TCF12: variants seen among roughly 807,000 people sequenced by gnomAD.
TCF12 encodes the protein DNA-binding protein HTF4.
In TCF12, 45 loss-of-function variants were observed where a neutral mutation model predicts 86.0. The observed-to-expected ratio is 0.52, with a 90% confidence interval of 0.41 to 0.67. The LOEUF (loss-of-function observed/expected upper bound fraction) is 0.67. Among genes scored for constraint, TCF12 ranks in the 30% least tolerant of loss-of-function variants. The pLI is 0.00. For synonymous variants in TCF12, 330 were observed against 299.6 expected, an observed-to-expected ratio of 1.10 and a Z score of -1.05; for missense variants, 881 against 859.9, an observed-to-expected ratio of 1.02 and a Z score of -0.31.
At chr15:56,957,929 C>T (rs1487247607) in intron 3 of TCF12, among the ~76,000 whole-genome samples, 1 of 152,148 alleles carries the variant, frequency 6.6e-6, no homozygotes, top group Non-Finnish European at 1.5e-5. Context: ...GTTAATTATT[C>T]TCCACTACTG....
intron 8 of TCF12, among the ~76,000 whole-genome samples, chr15:57,213,848 C>G (rs1242571563): frequency 6.6e-6 from 1 of 152,164 alleles, no homozygotes; most frequent in African/African-American, 2.4e-5. Flanking sequence ...GTTAGATTGC[C>G]TAACGAGTCA....
At chr15:57,082,404 G>A (rs1454360338) in intron 4 of TCF12, among the ~76,000 whole-genome samples, 2 of 104,658 alleles carry the variant, frequency 1.9e-5, no homozygotes, top group African/African-American at 3.3e-5. Context: ...CTGGAGTAAT[G>A]TATGCAACTT....
chr15:57,020,768 G>A (rs74402341), intron 3 of TCF12, among the ~76,000 whole-genome samples: 6,251 of 152,198 alleles, frequency 0.041, 359 homozygotes, highest in African/African-American at 0.13. Context: ...TTGGGACTAT[G>A]TGTAGGTGTA....
intron 6 of TCF12, among the ~76,000 whole-genome samples, chr15:57,170,679 TA>T (rs2055306422): frequency 1.6e-3 from 2 of 1,218 alleles, no homozygotes; most frequent in African/African-American, 4.7e-3. Context: ...ATATATAATA[TA>T]TTATATATAA....
rs147497019 is a variant in TCF12 at position 56,919,776 on chromosome 15, G to A, written c.-22-116G>A. 8.2e-3 allele frequency: 7,115 copies of A among 867,898 alleles called. 41 individuals carry two copies. The highest frequency in any genetic ancestry group is 0.011 in the Non-Finnish European group (6,188 of 572,552). The allele number at this position is 867,898 out of a possible 1,614,324, so 53.8% of individuals were successfully genotyped here. A position where few individuals can be genotyped will look rare whatever the true frequency, so the allele number is the denominator to read the frequency against. ...GCGGTGGGAGCGAGTCGGGGTCCTG[G>A]AAGTCATCCCGGCGCCCCCAGCGCT... On this transcript the variant is annotated intron_variant, in intron 1 of 20. Coordinates refer to ENST00000333725, the MANE Select transcript of TCF12 (RefSeq NM_207037.2).
chr15:57,069,877 G>C (rs1429803580), intron 4 of TCF12, among the ~76,000 whole-genome samples: 1 of 152,338 alleles, frequency 6.6e-6, no homozygotes, highest in East Asian at 1.9e-4. Context: ...GAACAGTTTA[G>C]CAAGTATAGT....
chr15:56,956,880 T>G (rs2061523810), intron 3 of TCF12, among the ~76,000 whole-genome samples: 1 of 152,216 alleles, frequency 6.6e-6, no homozygotes, highest in South Asian at 2.1e-4. Flanking sequence ...TGCTTGGTAT[T>G]TGCTCAACTT....
intron 17 of TCF12, among the ~76,000 whole-genome samples, chr15:57,262,477 C>T (rs2060634457): frequency 6.6e-6 from 1 of 152,176 alleles, no homozygotes; most frequent in African/African-American, 2.4e-5. Flanking sequence ...TCATGTCCCT[C>T]TTCCTCAGAC....
intron 3 of TCF12, among the ~76,000 whole-genome samples, chr15:57,022,472 G>T (rs1343508883): frequency 6.6e-6 from 1 of 152,158 alleles, no homozygotes; most frequent in Non-Finnish European, 1.5e-5. Flanking sequence ...ATCATTGATG[G>T]ACATTTGGGT....
chr15:57,202,841 T>C (rs1343757485), intron 8 of TCF12, among the ~76,000 whole-genome samples: 4 of 152,150 alleles, frequency 2.6e-5, no homozygotes, highest in African/African-American at 9.7e-5. Flanking sequence ...TCAGATGTTA[T>C]TGTGAGAGTA....
At chr15:57,157,286 T>C (rs1269074182) in intron 5 of TCF12, among the ~76,000 whole-genome samples, 1 of 152,050 alleles carries the variant, frequency 6.6e-6, no homozygotes, top group African/African-American at 2.4e-5. Context: ...TTTTTTTTTT[T>C]CCTGAAAAAC....
intron 5 of TCF12, among the ~76,000 whole-genome samples, chr15:57,113,600 A>G (rs1461598136): frequency 2.0e-5 from 3 of 151,770 alleles, no homozygotes; most frequent in Non-Finnish European, 2.9e-5. Context: ...CTTTCAAGAA[A>G]GGAGTACTGT....
At chr15:57,084,441 T>G (rs1234835841) in intron 4 of TCF12, among the ~76,000 whole-genome samples, 1 of 152,192 alleles carries the variant, frequency 6.6e-6, no homozygotes, top group Non-Finnish European at 1.5e-5. Flanking sequence ...TGTTTTACAA[T>G]GTACCGGGTC....
At chr15:57,064,795 CA>C (rs1177544594) in intron 4 of TCF12, among the ~76,000 whole-genome samples, 24 of 78,072 alleles carry the variant, frequency 3.1e-4, no homozygotes, top group East Asian at 1.7e-3. Flanking sequence ...GACTCCATCT[CA>C]AAAAAAAAAA....
At chr15:57,078,923 A>T (rs2070378943) in intron 4 of TCF12, among the ~76,000 whole-genome samples, 1 of 152,238 alleles carries the variant, frequency 6.6e-6, no homozygotes, top group Non-Finnish European at 1.5e-5. Flanking sequence ...TAGGAAGGGT[A>T]TAAGAAAAGA....
intron 3 of TCF12, among the ~76,000 whole-genome samples, chr15:57,027,995 A>C (rs574106788): frequency 7.0e-4 from 106 of 151,008 alleles, no homozygotes; most frequent in Non-Finnish European, 1.2e-3. Context: ...ATGGAGTCTC[A>C]CTCTGTTGCC....
intron 5 of TCF12, among the ~76,000 whole-genome samples, chr15:57,154,055 AATGAG>A (rs2053952084): frequency 1.3e-5 from 2 of 152,152 alleles, no homozygotes; most frequent in Admixed American, 1.3e-4. Context: ...ACAAACAACA[AATGAG>A]ATAAATAGTA....
At chr15:57,192,374 C>CTTTT in intron 7 of TCF12, 81 bp downstream of exon 7, 1 of 1,240,800 alleles carries the variant, frequency 8.1e-7, no homozygotes, top group Non-Finnish European at 1.1e-6. Context: ...TCTGGCTATG[C>CTTTT]TTTTTTTTTT....
intron 3 of TCF12, among the ~76,000 whole-genome samples, chr15:57,042,087 C>T (rs771881757): frequency 3.9e-5 from 6 of 152,130 alleles, no homozygotes; most frequent in Non-Finnish European, 5.9e-5. Flanking sequence ...AATTTAACTA[C>T]AAAAGTACCT....
Sources: allele counts gnomAD v4.1 joint callset (sites outside exome capture counted in the v4.1 genomes callset), GRCh38; gene constraint gnomAD v4.1.1; transcripts MANE v1.5; gene names NCBI Gene and HGNC (gene_info 2026-07-23, HGNC 2026-07-21).